Variants in LDLRAD3 observed in about 807,000 individuals in gnomAD.
The protein encoded by LDLRAD3 is low-density lipoprotein receptor class A domain-containing protein 3.
LDLRAD3 carries 20 observed loss-of-function variants against 29.4 expected under a neutral mutation model. The ratio of observed to expected loss-of-function variants is 0.68; its 90% CI spans 0.48 to 0.99. LDLRAD3 has a LOEUF of 0.99. LDLRAD3 is among the 50% of genes least tolerant of loss of function. The pLI is 0.00. For missense variants in LDLRAD3, 420 were observed against 454.3 expected (o/e 0.92, Z 0.69); for synonymous variants, 157 against 192.7 (o/e 0.81, Z 1.53).
At chr11:36,018,402 G>A (rs1327663204) in intron 1 of LDLRAD3, among the ~76,000 whole-genome samples, 2 of 152,056 alleles carry the variant, frequency 1.3e-5, no homozygotes, top group Non-Finnish European at 2.9e-5. Context: ...GTTTATTTGG[G>A]TACAGAAAAA....
intron 2 of LDLRAD3, among the ~76,000 whole-genome samples, chr11:36,076,213 T>C (rs1409820756): frequency 3.2e-5 from 4 of 126,952 alleles, no homozygotes; most frequent in South Asian, 2.6e-4. Flanking sequence ...TTTGTCTGTC[T>C]GTCCATCCGT....
intron 2 of LDLRAD3, among the ~76,000 whole-genome samples, chr11:36,048,776 T>C (rs1347006152): frequency 1.3e-5 from 2 of 152,238 alleles, no homozygotes; most frequent in African/African-American, 2.4e-5. Context: ...TCCTAGGTGA[T>C]AGCAGCTGTT....
intron 1 of LDLRAD3, among the ~76,000 whole-genome samples, chr11:35,994,789 A>G (rs1851733349): frequency 6.6e-6 from 1 of 152,346 alleles, no homozygotes; most frequent in Non-Finnish European, 1.5e-5. Flanking sequence ...TGTCATTTCA[A>G]CAGTGTTCAT....
At chr11:36,201,257 G>A (rs951883631) in intron 4 of LDLRAD3, among the ~76,000 whole-genome samples, 4 of 152,170 alleles carry the variant, frequency 2.6e-5, no homozygotes, top group Admixed American at 6.5e-5. Flanking sequence ...CTCAATACAA[G>A]TCTTTGTTGC....
At chr11:36,141,037 C>CTCTCTCTCTCT (rs1389366552) in intron 4 of LDLRAD3, among the ~76,000 whole-genome samples, 51 of 45,476 alleles carry the variant, frequency 1.1e-3, no homozygotes, top group South Asian at 1.8e-3. Context: ...TCTCTCTCTC[C>CTCTCTCTCTCT]GTGTGGGGGT....
At chr11:36,153,989 G>A (rs1439657151) in intron 4 of LDLRAD3, among the ~76,000 whole-genome samples, 1 of 152,156 alleles carries the variant, frequency 6.6e-6, no homozygotes, top group Admixed American at 6.5e-5. Context: ...CTTCAGTGGG[G>A]TGTGGGGGAG....
intron 3 of LDLRAD3, among the ~76,000 whole-genome samples, chr11:36,083,778 A>AC (rs1180700240): frequency 1.6e-5 from 1 of 64,164 alleles, no homozygotes; most frequent in African/African-American, 5.2e-5. Flanking sequence ...ACACACACAC[A>AC]CACCCCAGAA....
At chr11:35,991,630 G>C (rs1366900769) in intron 1 of LDLRAD3, among the ~76,000 whole-genome samples, 2 of 152,192 alleles carry the variant, frequency 1.3e-5, no homozygotes, top group African/African-American at 4.8e-5. Flanking sequence ...TGTTGCTGAA[G>C]TAGAAAATAG....
chr11:35,997,953 G>GT (rs1763445363), intron 1 of LDLRAD3, among the ~76,000 whole-genome samples: 1 of 152,232 alleles, frequency 6.6e-6, no homozygotes, highest in African/African-American at 2.4e-5. Context: ...AGAAGAGGCT[G>GT]TGGCGAGGGC....
chr11:36,055,954 A>G (rs1358053210), intron 2 of LDLRAD3, among the ~76,000 whole-genome samples: 1 of 140,462 alleles, frequency 7.1e-6, no homozygotes, highest in Non-Finnish European at 1.5e-5. Context: ...CTAAGTGAGC[A>G]TGTAGTGTAG....
chr11:35,959,369 C>CTTGT (rs1851247094), intron 1 of LDLRAD3, among the ~76,000 whole-genome samples: 1 of 152,174 alleles, frequency 6.6e-6, no homozygotes, highest in Non-Finnish European at 1.5e-5. Flanking sequence ...CTGCCTGTAA[C>CTTGT]TTGTATTTGT....
At chr11:36,210,007 C>T (rs964787757) in intron 4 of LDLRAD3, among the ~76,000 whole-genome samples, 1 of 152,220 alleles carries the variant, frequency 6.6e-6, no homozygotes, top group Admixed American at 6.5e-5. Flanking sequence ...TTATTTTTGT[C>T]TGCAAATCCT....
chr11:36,066,513 A>G (rs558122973), intron 2 of LDLRAD3, among the ~76,000 whole-genome samples: 2 of 152,286 alleles, frequency 1.3e-5, no homozygotes, highest in South Asian at 4.1e-4. Context: ...TTTCATTCCA[A>G]TGTATATGCA....
At chr11:36,062,136 T>C (rs1349429242) in intron 2 of LDLRAD3, among the ~76,000 whole-genome samples, 2 of 152,204 alleles carry the variant, frequency 1.3e-5, no homozygotes, top group Non-Finnish European at 2.9e-5. Flanking sequence ...TTGTCCAAGG[T>C]CACGGTTCTG....
chr11:36,016,980 A>G (rs76029224), intron 1 of LDLRAD3, among the ~76,000 whole-genome samples: 6 of 152,246 alleles, frequency 3.9e-5, no homozygotes, highest in African/African-American at 1.4e-4. Flanking sequence ...TTACTCCTCA[A>G]CATAAGCTTC....
At chr11:36,206,063 T>A (rs1855203392) in intron 4 of LDLRAD3, among the ~76,000 whole-genome samples, 1 of 152,218 alleles carries the variant, frequency 6.6e-6, no homozygotes, top group African/African-American at 2.4e-5. Flanking sequence ...CTGGAGTTAT[T>A]TCTTATTTCT....
At chr11:36,028,049 G>A (rs1302971025) in intron 1 of LDLRAD3, among the ~76,000 whole-genome samples, 3 of 152,190 alleles carry the variant, frequency 2.0e-5, no homozygotes, top group African/African-American at 7.2e-5. Context: ...TGAAAAGCAA[G>A]CGCTTGCAAA....
At chr11:36,047,474 A>T (rs991340402) in intron 2 of LDLRAD3, among the ~76,000 whole-genome samples, 1 of 152,130 alleles carries the variant, frequency 6.6e-6, no homozygotes, top group African/African-American at 2.4e-5. Flanking sequence ...TCTTAGTTGT[A>T]CATAAAATAG....
chr11:36,222,958 A>G (rs1168278553), intron 4 of LDLRAD3, among the ~76,000 whole-genome samples: 4 of 152,172 alleles, frequency 2.6e-5, no homozygotes, highest in Non-Finnish European at 4.4e-5. Flanking sequence ...AAGATGCTTG[A>G]CAGTGGAGCA....
Sources: allele counts gnomAD v4.1 joint callset (sites outside exome capture counted in the v4.1 genomes callset), GRCh38; gene constraint gnomAD v4.1.1; transcripts MANE v1.5; gene names NCBI Gene and HGNC (gene_info 2026-07-23, HGNC 2026-07-21).